The following ADAMTSL1 variants were observed in gnomAD, a reference collection of about 807,000 sequenced individuals.
ADAMTSL1 encodes ADAMTS-like protein 1.
ADAMTSL1 carries 126 observed loss-of-function variants against 201.8 expected under a neutral mutation model. The ratio of observed to expected loss-of-function variants is 0.62; its 90% confidence interval spans 0.54 to 0.72. The LOEUF (loss-of-function observed/expected upper bound fraction) is 0.72, where lower values mean the gene tolerates loss of function less well. Ranked by LOEUF, ADAMTSL1 falls within the 30% of genes least tolerant of loss-of-function variation. ADAMTSL1 has a pLI of 0.00. For synonymous variants in ADAMTSL1, 1,121 were observed against 903.4 expected, an observed-to-expected ratio of 1.24 and a Z score of -4.32; for missense variants, 2,679 against 2,277.8, an observed-to-expected ratio of 1.18 and a Z score of -3.59.
At chr9:17,944,203 T>C (rs1324854101) in intron 1 of ADAMTSL1, among the ~76,000 whole-genome samples, 3 of 152,064 alleles carry the variant, frequency 2.0e-5, no homozygotes. Context: ...ATGAGTGAAC[T>C]CCCGTTCACA....
chr9:18,646,408 C>T (rs1362376209), intron 7 of ADAMTSL1, among the ~76,000 whole-genome samples: 1 of 151,874 alleles, frequency 6.6e-6, no homozygotes, highest in East Asian at 1.9e-4. Context: ...TTGCCCTGGC[C>T]AGAACTTCCA....
chr9:18,905,827 C>A lies in ADAMTSL1; in HGVS notation c.4897C>A (p.Gln1633Lys). 6.2e-7 allele frequency: 1 copy of A among 1,613,744 alleles called. No homozygotes were observed. Residue 1633 changes from glutamine to lysine, a missense_variant, in exon 27 of 29, where the codon CAA becomes AAA. Coordinates refer to ENST00000380548, the MANE Select transcript of ADAMTSL1 (RefSeq NM_001040272.6). ...GCCTCACCTAGCTGTGCAACACAGA[C>A]AAGTCTTCTGCCAGACACGGGATGG... ...IGPHLAVQHR[Q>K]VFCQTRDGIT...
At chr9:18,903,265 A>T (rs1430680449) in intron 26 of ADAMTSL1, among the ~76,000 whole-genome samples, 1 of 152,240 alleles carries the variant, frequency 6.6e-6, no homozygotes, top group Non-Finnish European at 1.5e-5. Flanking sequence ...AAATTCAATC[A>T]TGGTATGTTC....
intron 1 of ADAMTSL1, among the ~76,000 whole-genome samples, chr9:17,948,590 A>G (rs562256828): frequency 9.0e-4 from 137 of 152,284 alleles, no homozygotes; most frequent in African/African-American, 3.1e-3. Flanking sequence ...ACAGCGTCAG[A>G]TGAATACTAG....
chr9:18,762,553 A>C (rs1554628817), intron 16 of ADAMTSL1, among the ~76,000 whole-genome samples: 1 of 152,082 alleles, frequency 6.6e-6, no homozygotes, highest in Non-Finnish European at 1.5e-5. Context: ...GTTATTATTG[A>C]CTATAGTCAC....
intron 1 of ADAMTSL1, among the ~76,000 whole-genome samples, chr9:18,043,072 T>G (rs1342906704): frequency 3.3e-5 from 5 of 152,156 alleles, no homozygotes; most frequent in Non-Finnish European, 7.4e-5. Flanking sequence ...GCTAGAAAAC[T>G]AAGAGGCTGA....
At chr9:18,122,774 T>C (rs1224636821) in intron 1 of ADAMTSL1, among the ~76,000 whole-genome samples, 1 of 151,950 alleles carries the variant, frequency 6.6e-6, no homozygotes, top group East Asian at 1.9e-4. Flanking sequence ...GCAGGGCAGG[T>C]TGGTTTTTTG....
At position 18,077,726 on chromosome 9, in the gene ADAMTSL1, G is replaced by A. The variant is rs147703897; in HGVS notation, c.88-86136G>A. 4.5e-4 allele frequency among the ~76,000 whole-genome samples: 68 copies of A among 152,124 alleles called. 1 individual carries two copies. In the East Asian group the frequency reaches 0.012, roughly 27 times the overall value. The stretch of plus-strand genomic sequence containing the variant: ...GAAATGGAAAAAGCTGCAGACTAAC[G>A]TGGGGTCCAAGGAGGACTTTAAAAA... On this transcript the variant is annotated intron_variant, in intron 1 of 29. Transcript: ENST00000680146.
rs556998442 is a variant in ADAMTSL1, at chr9:18,135,890, G to A, written c.88-27972G>A. On this transcript the variant is annotated intron_variant, in intron 1 of 29. Coordinates refer to the ADAMTSL1 transcript ENST00000680146. ...CCATGCAACAGGTACTATACCAAAG[G>A]CTTTATATGGCATACCCCTCACTCA... 2.3e-4 allele frequency among the ~76,000 whole-genome samples: 35 copies of A among 152,084 alleles called. No homozygotes were observed. In the South Asian group the frequency reaches 4.4e-3, roughly 19 times the overall value.
At position 18,523,127 on chromosome 9, in the gene ADAMTSL1, C is replaced by A. The variant is rs1041705710; in HGVS notation, c.192-10120C>A. Among the ~76,000 whole-genome samples, 78 of 152,018 alleles carry A rather than the reference C, an allele frequency of 5.1e-4. No homozygotes were observed. The Middle Eastern group carries it at 0.01, about 20-fold the overall frequency. ...GTTGTTTCCTGACTTTTTAATGATC[C>A]CCATTCTAACTGGTGTGAGATGGTA... On this transcript the variant is annotated intron_variant, in intron 2 of 28. Transcript: ENST00000380548.
chr9:18,852,806 A>G lies in ADAMTSL1; in HGVS notation c.4249+22829A>G, dbSNP rs368714864. On this transcript the variant is annotated intron_variant, in intron 23 of 28. Transcript: ENST00000380548. ...CCCTCAGGACTGATTTGAGAATCAA[A>G]TTAGATTAAATATATAAAAACAGTT... is the stretch of plus-strand genomic sequence containing the variant. Among the ~76,000 whole-genome samples, 14 of 152,356 alleles carry G rather than the reference A, an allele frequency of 9.2e-5. 1 individual carries two copies. The highest frequency in any genetic ancestry group is 7.2e-4 in the Admixed American group (11 of 15,302).
chr9:18,751,891 C>T (rs1819492509), intron 15 of ADAMTSL1, among the ~76,000 whole-genome samples: 1 of 2,994 alleles, frequency 3.3e-4, no homozygotes, highest in South Asian at 9.1e-3. Context: ...GAGATCGAGG[C>T]CATCCCGGCT....
intron 1 of ADAMTSL1, among the ~76,000 whole-genome samples, chr9:18,085,305 A>G (rs1482385722): frequency 6.6e-6 from 1 of 152,092 alleles, no homozygotes; most frequent in Non-Finnish European, 1.5e-5. Flanking sequence ...TGGGCACAAT[A>G]CTTAACCTTA....
intron 15 of ADAMTSL1, among the ~76,000 whole-genome samples, chr9:18,735,892 C>G (rs989516232): frequency 6.3e-5 from 7 of 111,924 alleles, no homozygotes; most frequent in Admixed American, 5.8e-4. Flanking sequence ...GAAATTCTCT[C>G]AAATTAAAAA....
chr9:18,697,051 TG>T (rs762157521), intron 13 of ADAMTSL1, among the ~76,000 whole-genome samples: 82 of 151,738 alleles, frequency 5.4e-4, no homozygotes, highest in Admixed American at 1.1e-3. Context: ...AGCTAATTTT[TG>T]TATTTTTTTT....
chr9:18,769,240 C>A (rs776112992), intron 16 of ADAMTSL1, among the ~76,000 whole-genome samples: 2 of 152,180 alleles, frequency 1.3e-5, no homozygotes, highest in Non-Finnish European at 2.9e-5. Flanking sequence ...AAACAAAGAC[C>A]AACGTGAGTT....
chr9:18,265,781 C>A (rs1832097299), intron 2 of ADAMTSL1, among the ~76,000 whole-genome samples: 1 of 152,048 alleles, frequency 6.6e-6, no homozygotes, highest in Non-Finnish European at 1.5e-5. Context: ...GAAAGGAAGA[C>A]AGCTAAATGT....
At chr9:18,648,929 T>A (rs1446822170) in intron 7 of ADAMTSL1, among the ~76,000 whole-genome samples, 1 of 152,232 alleles carries the variant, frequency 6.6e-6, no homozygotes, top group Non-Finnish European at 1.5e-5. Flanking sequence ...ATCTGAATGT[T>A]GGCCTGCCTT....
At chr9:18,532,520 T>C (rs993287992) in intron 2 of ADAMTSL1, among the ~76,000 whole-genome samples, 1 of 152,134 alleles carries the variant, frequency 6.6e-6, no homozygotes, top group African/African-American at 2.4e-5. Flanking sequence ...TAGAATATTA[T>C]GTAGCTCTCA....
Sources: allele counts gnomAD v4.1 joint callset (sites outside exome capture counted in the v4.1 genomes callset), GRCh38; gene constraint gnomAD v4.1.1; transcripts MANE v1.5; gene names NCBI Gene and HGNC (gene_info 2026-07-23, HGNC 2026-07-21).